The following SLA2 variants were observed in gnomAD, a reference collection of about 807,000 sequenced individuals.
SLA2 encodes Src like adaptor 2.
SLA2 carries 22 observed loss-of-function variants against 27.3 expected under a neutral mutation model. The ratio of observed to expected loss-of-function variants is 0.81; its 90% CI spans 0.58 to 1.15. The LOEUF (loss-of-function observed/expected upper bound fraction) is 1.15. Among genes scored for constraint, SLA2 ranks in the 50% most tolerant of loss-of-function variants. The pLI is 0.00. For synonymous variants in SLA2, 131 were observed against 137.8 expected, an observed-to-expected ratio of 0.95 and a Z score of 0.34; for missense variants, 304 against 322.2, an observed-to-expected ratio of 0.94 and a Z score of 0.43.
chr20:36,638,337 T>G (rs1465523479), intron 2 of SLA2, among the ~76,000 whole-genome samples: 1 of 150,748 alleles, frequency 6.6e-6, no homozygotes, highest in African/African-American at 2.5e-5. Context: ...TGTTTTGTTT[T>G]GTTTTGTTTG....
intron 6 of SLA2, 63 bp from the exon 7 acceptor site, chr20:36,614,500 C>T: frequency 6.5e-7 from 1 of 1,537,250 alleles, no homozygotes. Flanking sequence ...CAACAGCCCT[C>T]ACCCTGACAG....
intron 3 of SLA2, 47 bp downstream of exon 3, chr20:36,634,443 C>T: frequency 7.2e-7 from 1 of 1,393,746 alleles, no homozygotes; most frequent in Non-Finnish European, 1.0e-6. Context: ...ACCACCATGC[C>T]TGGCTCTATT....
intron 5 of SLA2, among the ~76,000 whole-genome samples, chr20:36,626,048 T>C (rs2039333705): frequency 6.6e-6 from 1 of 151,770 alleles, no homozygotes; most frequent in African/African-American, 2.4e-5. Flanking sequence ...GTGGATCACT[T>C]GAGGTCAGGA....
intron 5 of SLA2, among the ~76,000 whole-genome samples, chr20:36,619,241 AAAG>A (rs1438648864): frequency 9.7e-5 from 14 of 144,836 alleles, no homozygotes; most frequent in Non-Finnish European, 1.5e-4. Flanking sequence ...AAAAAAAAAA[AAAG>A]GCTGGGTGCG....
At chr20:36,632,476 G>C (rs2039402025) in intron 5 of SLA2, 119 bp downstream of exon 5, 2 of 748,438 alleles carry the variant, frequency 2.7e-6, no homozygotes, top group Non-Finnish European at 4.5e-6. Context: ...GGAAATCTTG[G>C]TTGACTGAGA....
rs75627155 is a variant in SLA2, at chr20:36,615,926, G to C, written c.383-552C>G. On this transcript the variant is annotated intron_variant, in intron 5 of 7. Transcript: ENST00000262866. The stretch of plus-strand genomic sequence containing the variant: ...GCAAACAGCCCGTTTGTGCTCAAGA[G>C]TAGAATAAATTGTGGATTATAGAGT... 8.9e-3 allele frequency among the ~76,000 whole-genome samples: 1,357 copies of C among 152,296 alleles called. 21 individuals carry two copies. Among genetic ancestry groups the C allele is most frequent in the African/African-American group, 0.031 (1,297 of 41,558 alleles).
chr20:36,616,086 CATT>C (rs2039206640), intron 5 of SLA2, among the ~76,000 whole-genome samples: 2 of 152,256 alleles, frequency 1.3e-5, no homozygotes, highest in Admixed American at 6.5e-5. Flanking sequence ...GCCAACATGA[CATT>C]ATATGTTGCA....
At chr20:36,636,448 ATAC>A (rs1568608933) in intron 2 of SLA2, among the ~76,000 whole-genome samples, 2 of 140,106 alleles carry the variant, frequency 1.4e-5, no homozygotes, top group African/African-American at 2.8e-5. Flanking sequence ...AAAAAAAAAA[ATAC>A]AAAATTAGCC....
chr20:36,622,117 C>T (rs1212497210), intron 5 of SLA2, among the ~76,000 whole-genome samples: 1 of 151,274 alleles, frequency 6.6e-6, no homozygotes, highest in Non-Finnish European at 1.5e-5. Flanking sequence ...GCCAGGAGTT[C>T]AAGACCAGCC....
At chr20:36,645,089 C>T (rs1978286833) in intron 1 of SLA2, among the ~76,000 whole-genome samples, 1 of 151,906 alleles carries the variant, frequency 6.6e-6, no homozygotes, top group Admixed American at 6.6e-5. Context: ...CCTGTAATCC[C>T]AGCAATTTAG....
chr20:36,616,327 A>G (rs1342361557), intron 5 of SLA2, among the ~76,000 whole-genome samples: 2 of 140,706 alleles, frequency 1.4e-5, no homozygotes, highest in African/African-American at 5.3e-5. Flanking sequence ...TTTTATTTTA[A>G]TTTTCTTTTT....
intron 5 of SLA2, among the ~76,000 whole-genome samples, chr20:36,630,085 G>A (rs1394816799): frequency 6.6e-6 from 1 of 152,232 alleles, no homozygotes; most frequent in African/African-American, 2.4e-5. Flanking sequence ...GAATGGGCCA[G>A]GGGAGGGGAG....
chr20:36,644,888 T>TC (rs1978286630), intron 1 of SLA2, among the ~76,000 whole-genome samples: 1 of 149,748 alleles, frequency 6.7e-6, no homozygotes, highest in Admixed American at 6.7e-5. Flanking sequence ...TTTTTTTTTT[T>TC]TTCAGTATCT....
intron 5 of SLA2, among the ~76,000 whole-genome samples, chr20:36,622,387 G>T (rs1369170335): frequency 2.1e-5 from 3 of 145,388 alleles, no homozygotes; most frequent in African/African-American, 7.7e-5. Flanking sequence ...GAAAAACCAC[G>T]ATCACCTGAA....
At chr20:36,636,623 A>AAAAAATATATAT (rs1387991352) in intron 2 of SLA2, among the ~76,000 whole-genome samples, 2 of 114,712 alleles carry the variant, frequency 1.7e-5, no homozygotes, top group Non-Finnish European at 3.3e-5. Flanking sequence ...AAAAAAAAAA[A>AAAAAATATATAT]ATATATATAT....
chr20:36,644,999 T>G (rs777661775), intron 1 of SLA2, among the ~76,000 whole-genome samples: 1 of 151,270 alleles, frequency 6.6e-6, no homozygotes, highest in Non-Finnish European at 1.5e-5. Context: ...CCTGCCATCA[T>G]GTGTATTTTG....
chr20:36,619,283 T>C (rs547588784), intron 5 of SLA2, among the ~76,000 whole-genome samples: 15 of 149,070 alleles, frequency 1.0e-4, no homozygotes, highest in African/African-American at 3.5e-4. Context: ...CCTAGCACTT[T>C]GGGAGGCTAA....
chr20:36,622,454 A>AG (rs1276327265), intron 5 of SLA2, among the ~76,000 whole-genome samples: 6 of 152,202 alleles, frequency 3.9e-5, no homozygotes, highest in Non-Finnish European at 8.8e-5. Context: ...AAAAAAAAAA[A>AG]AAGCAGAAAA....
chr20:36,641,546 C>T (rs898306891), intron 1 of SLA2, among the ~76,000 whole-genome samples, 168 bp from the exon 2 acceptor site: 1 of 152,180 alleles, frequency 6.6e-6, no homozygotes, highest in African/African-American at 2.4e-5. Flanking sequence ...GCTTCCTGCA[C>T]ATTGGACGCT....
Sources: gnomAD v4.1 joint callset for allele counts (sites outside exome capture counted in the v4.1 genomes callset) on GRCh38, gnomAD v4.1.1 for gene constraint, MANE v1.5 for transcripts, NCBI Gene and HGNC (gene_info 2026-07-23, HGNC 2026-07-21) for gene names.